The following OCA2 variants were observed in gnomAD, a reference collection of about 807,000 sequenced individuals.
OCA2 encodes the protein P protein.
A neutral mutation model predicts 100.2 loss-of-function variants in OCA2; 77 were observed. That is an observed-to-expected ratio of 0.77 (90% CI 0.64 to 0.93). OCA2 has a LOEUF of 0.93. Among genes scored for constraint, OCA2 ranks in the 40% least tolerant of loss-of-function variants. OCA2 has a pLI of 0.00. For missense variants in OCA2, 1,062 were observed against 1,089.1 expected (o/e 0.98, Z 0.35); for synonymous variants, 432 against 439.2 (o/e 0.98, Z 0.21).
At chr15:28,019,298 G>A (rs2042511989) in intron 6 of OCA2, among the ~76,000 whole-genome samples, 1 of 151,976 alleles carries the variant, frequency 6.6e-6, no homozygotes, top group Non-Finnish European at 1.5e-5. Flanking sequence ...AGAGGACGCA[G>A]CAAAGAAGAG....
At chr15:27,743,451 G>A in the OCA2 span, among the ~76,000 whole-genome samples, 4 of 152,096 alleles carry the variant, frequency 2.6e-5, no homozygotes, top group African/African-American at 9.7e-5. Context: ...TGGGCTTATT[G>A]AACACCAGGG....
At chr15:27,882,650 A>G (rs2037066650) in intron 19 of OCA2, among the ~76,000 whole-genome samples, 1 of 152,186 alleles carries the variant, frequency 6.6e-6, no homozygotes. Context: ...GTCAATGTTA[A>G]AATATGTAAA....
intron 16 of OCA2, among the ~76,000 whole-genome samples, chr15:27,956,294 A>G (rs1382118536): frequency 1.3e-5 from 2 of 152,202 alleles, no homozygotes; most frequent in Non-Finnish European, 2.9e-5. Context: ...GGTTGCAGTG[A>G]GCCGAGATCA....
chr15:27,725,682 A>G, the OCA2 span, among the ~76,000 whole-genome samples: 101 of 152,316 alleles, frequency 6.6e-4, no homozygotes, highest in African/African-American at 2.4e-3. Context: ...CTTACTTTTC[A>G]CTTGGGAAGA....
intron 19 of OCA2, among the ~76,000 whole-genome samples, chr15:27,922,680 GGTGTGTGTGTGTGT>G (rs60426286): frequency 0.011 from 1,663 of 147,198 alleles, 23 homozygotes; most frequent in South Asian, 0.065. Context: ...TTTTGTTTGG[GGTGTGTGTGTGTGT>G]GTGTGTGTGT....
At chr15:27,975,054 G>A (rs2040922523) in intron 14 of OCA2, among the ~76,000 whole-genome samples, 1 of 152,164 alleles carries the variant, frequency 6.6e-6, no homozygotes, top group Non-Finnish European at 1.5e-5. Flanking sequence ...TTTGCCCTCA[G>A]TTTTCTACGT....
At chr15:28,018,298 G>T in intron 7 of OCA2, 99 bp downstream of exon 7, 2 of 1,148,326 alleles carry the variant, frequency 1.7e-6, no homozygotes, top group Non-Finnish European at 1.3e-6. Context: ...TGGTGTCCTC[G>T]CCTGTGGCTC....
chr15:27,977,254 T>C (rs1393897124), intron 14 of OCA2, among the ~76,000 whole-genome samples: 2 of 152,194 alleles, frequency 1.3e-5, no homozygotes, highest in Non-Finnish European at 2.9e-5. Flanking sequence ...AGTCTGTATA[T>C]ATTTTTTTCT....
chr15:27,891,604 T>C (rs1018982577), intron 19 of OCA2, among the ~76,000 whole-genome samples: 1 of 152,222 alleles, frequency 6.6e-6, no homozygotes, highest in African/African-American at 2.4e-5. Context: ...ACAATGCCTA[T>C]GCATCTCATC....
At chr15:27,936,044 T>G (rs2140454771) in intron 18 of OCA2, among the ~76,000 whole-genome samples, 1 of 152,340 alleles carries the variant, frequency 6.6e-6, no homozygotes. Context: ...CAAACCACCC[T>G]GCCTGCCACC....
At chr15:27,740,518 CTT>C in the OCA2 span, among the ~76,000 whole-genome samples, 1 of 152,134 alleles carries the variant, frequency 6.6e-6, no homozygotes, top group African/African-American at 2.4e-5. Flanking sequence ...TGAAGGGTGA[CTT>C]AACCTAATTC....
chr15:27,795,841 T>G (rs2033306829), intron 23 of OCA2, among the ~76,000 whole-genome samples: 1 of 152,204 alleles, frequency 6.6e-6, no homozygotes, highest in Non-Finnish European at 1.5e-5. Flanking sequence ...TCCACATCGC[T>G]GATTGTATGG....
At chr15:28,095,915 C>T (rs2044969419) in intron 1 of OCA2, among the ~76,000 whole-genome samples, 1 of 152,182 alleles carries the variant, frequency 6.6e-6, no homozygotes, top group African/African-American at 2.4e-5. Context: ...CTCCCCTCCC[C>T]ACAAAGCGCT....
intron 23 of OCA2, among the ~76,000 whole-genome samples, chr15:27,820,129 CTG>C (rs36020028): frequency 0.5 from 75,929 of 151,828 alleles, 19,620 homozygotes; most frequent in South Asian, 0.76. Flanking sequence ...AGAGTCCAAA[CTG>C]ATATAAATGA....
chr15:27,948,128 G>C (rs770183384), intron 18 of OCA2, among the ~76,000 whole-genome samples: 31 of 152,164 alleles, frequency 2.0e-4, no homozygotes, highest in Admixed American at 3.9e-4. Flanking sequence ...AGCTGGGAAG[G>C]GGGAGGACAG....
chr15:27,934,036 A>G (rs543841744), intron 18 of OCA2, among the ~76,000 whole-genome samples: 1 of 152,330 alleles, frequency 6.6e-6, no homozygotes, highest in South Asian at 2.1e-4. Context: ...ATATACATAT[A>G]CATATCACAT....
At chr15:27,930,024 A>C (rs919430529) in intron 18 of OCA2, among the ~76,000 whole-genome samples, 1 of 152,164 alleles carries the variant, frequency 6.6e-6, no homozygotes, top group Non-Finnish European at 1.5e-5. Context: ...AGGAACTTTC[A>C]AGCACTGCTG....
chr15:27,732,845 G>C, the OCA2 span, among the ~76,000 whole-genome samples: 3 of 152,154 alleles, frequency 2.0e-5, no homozygotes, highest in Admixed American at 6.5e-5. Context: ...TACAAAAATA[G>C]GGTATAAGGA....
At chr15:27,891,055 A>G (rs1344069928) in intron 19 of OCA2, among the ~76,000 whole-genome samples, 1 of 152,060 alleles carries the variant, frequency 6.6e-6, no homozygotes, top group East Asian at 1.9e-4. Flanking sequence ...TTGGAGCATC[A>G]GGAAGCAAAA....
Sources: allele counts gnomAD v4.1 joint callset (sites outside exome capture counted in the v4.1 genomes callset), GRCh38; gene constraint gnomAD v4.1.1; transcripts MANE v1.5; gene names NCBI Gene and HGNC (gene_info 2026-07-23, HGNC 2026-07-21).